The following EVC2 variants were observed in gnomAD, a reference collection of about 807,000 sequenced individuals.
EVC2 encodes limbin.
In EVC2, 148 loss-of-function variants were observed where a neutral mutation model predicts 149.3. That is an observed-to-expected ratio of 0.99 (90% confidence interval 0.87 to 1.14). The LOEUF is 1.14. Among genes scored for constraint, EVC2 ranks in the 50% most tolerant of loss-of-function variants. EVC2 has a pLI of 0.00. For synonymous variants in EVC2, 776 were observed against 649.9 expected (o/e 1.19, Z -2.95); for missense variants, 1,854 against 1,627.3 (o/e 1.14, Z -2.40).
At chr4:5,706,369 C>CATAGATAGATAGATAGATAGATACATAG (rs1324726079) in intron 1 of EVC2, among the ~76,000 whole-genome samples, 1 of 7,536 alleles carries the variant, frequency 1.3e-4, no homozygotes, top group Non-Finnish European at 2.5e-4. Context: ...TAGATAGATA[C>CATAGATAGATAGATAGATAGATACATAG]ATAGATAGAT....
Position 5,562,831 on chromosome 4 carries a change from C to A in EVC2, c.*17G>T, listed in dbSNP as rs772703728. 1.2e-6 allele frequency: 2 copies of A among 1,613,374 alleles called. No individual in the cohort carries two copies. Among genetic ancestry groups the A allele is most frequent in the East Asian group, 4.5e-5 (2 of 44,878 alleles). ...TCCCTTCTCTCTTCAGATGCTCCCGCAGGTCTTTCCCTTGGGCTAGTCCAT... is the reference window on the plus strand; with the variant it reads ...TCCCTTCTCTCTTCAGATGCTCCCGAAGGTCTTTCCCTTGGGCTAGTCCAT... On this transcript the variant is annotated 3_prime_UTR_variant, in exon 22 of 22. Coordinates refer to ENST00000344408, the MANE Select transcript of EVC2 (RefSeq NM_147127.5). This position sits in a 1 kb window ranked among gnomAD's most constrained non-coding sequence, Gnocchi z 4.3.
At chr4:5,663,479 A>T (rs1343198791) in intron 8 of EVC2, among the ~76,000 whole-genome samples, 1 of 152,228 alleles carries the variant, frequency 6.6e-6, no homozygotes, top group African/African-American at 2.4e-5. Context: ...TGTGTGGGTA[A>T]AGTGGAACAA....
intron 16 of EVC2, among the ~76,000 whole-genome samples, chr4:5,601,161 C>T (rs1266231919): frequency 6.6e-6 from 1 of 152,150 alleles, no homozygotes; most frequent in Non-Finnish European, 1.5e-5. Context: ...CCACAGTCTA[C>T]GGGCCCTGGC....
chr4:5,654,587 G>C (rs921281546), intron 9 of EVC2, among the ~76,000 whole-genome samples: 2 of 152,182 alleles, frequency 1.3e-5, no homozygotes. Context: ...AGCAGCCCAG[G>C]GGCATCACTG....
intron 9 of EVC2, among the ~76,000 whole-genome samples, chr4:5,641,262 A>G (rs1030715562): frequency 6.6e-6 from 1 of 152,242 alleles, no homozygotes; most frequent in African/African-American, 2.4e-5. Context: ...AGCAAAAAAA[A>G]GGACATTAGA....
At chr4:5,584,594 C>T (rs751533331) in intron 17 of EVC2, 29 bp downstream of exon 17, 1 of 1,603,516 alleles carries the variant, frequency 6.2e-7, no homozygotes, top group African/African-American at 1.3e-5. Context: ...CAGCTCTGTC[C>T]CCCTCTCCTT....
chr4:5,590,496 C>G (rs936335397), intron 16 of EVC2, among the ~76,000 whole-genome samples: 1 of 152,040 alleles, frequency 6.6e-6, no homozygotes, highest in Non-Finnish European at 1.5e-5. Flanking sequence ...CTTCCCTGAG[C>G]GCTAAACAGA....
At chr4:5,629,869 G>T (rs73198171) in intron 11 of EVC2, among the ~76,000 whole-genome samples, 1 of 152,186 alleles carries the variant, frequency 6.6e-6, no homozygotes, top group Admixed American at 6.5e-5. Context: ...TTCAGAATTG[G>T]TATCCTTAAA....
chr4:5,547,094 G>A (rs911672217), intron 21 of EVC2, among the ~76,000 whole-genome samples: 18 of 152,366 alleles, frequency 1.2e-4, no homozygotes, highest in African/African-American at 3.8e-4. Flanking sequence ...GCCCTTGCAG[G>A]CTCAGAAATG....
At chr4:5,589,526 G>A (rs752717699) in intron 16 of EVC2, among the ~76,000 whole-genome samples, 1 of 152,112 alleles carries the variant, frequency 6.6e-6, no homozygotes, top group South Asian at 2.1e-4. Context: ...ATCTGACTTG[G>A]CTTCCCCAAA....
chr4:5,603,877 C>T (rs527543920), intron 16 of EVC2, among the ~76,000 whole-genome samples: 29 of 152,298 alleles, frequency 1.9e-4, no homozygotes, highest in African/African-American at 6.3e-4. Flanking sequence ...TTTGTGTATA[C>T]GCTGTTCAAA....
At chr4:5,588,691 T>G (rs1488695339) in intron 16 of EVC2, among the ~76,000 whole-genome samples, 1 of 152,198 alleles carries the variant, frequency 6.6e-6, no homozygotes, top group East Asian at 1.9e-4. Flanking sequence ...TATATTCAAA[T>G]CAAACTTCTA....
rs759270450 is a variant in EVC2, at chr4:5,576,475, G to A, written c.3058-21C>T. 2 of 1,566,580 alleles carry A rather than the reference G, an allele frequency of 1.3e-6. No individual in the cohort carries two copies. The highest frequency in any genetic ancestry group is 1.7e-6 in the Non-Finnish European group (2 of 1,158,402). On this transcript the variant is annotated intron_variant, in intron 17 of 21. Coordinates refer to ENST00000344408, the MANE Select transcript of EVC2 (RefSeq NM_147127.5). The surrounding 1 kb of genome is among the most constrained non-coding windows in gnomAD (Gnocchi z 4.5). Reference sequence around the variant, plus strand: ...AGCTCCTACACAAGGAAGGGGCAGAGGGTAAGCACCACTGCACAAGGCGGG... The same window carrying A: ...AGCTCCTACACAAGGAAGGGGCAGAAGGTAAGCACCACTGCACAAGGCGGG...
intron 1 of EVC2, among the ~76,000 whole-genome samples, chr4:5,706,441 G>GATAC (rs201821393): frequency 0.025 from 1,100 of 44,522 alleles, 136 homozygotes; most frequent in African/African-American, 0.047. Flanking sequence ...TAGATAGATA[G>GATAC]ATAGATACAT....
chr4:5,667,172 A>G (rs2108902359), intron 7 of EVC2, among the ~76,000 whole-genome samples: 1 of 152,236 alleles, frequency 6.6e-6, no homozygotes, highest in South Asian at 2.1e-4. Context: ...CACACAGTAT[A>G]ATCTCCATTT....
chr4:5,550,120 A>C (rs1316445739), intron 21 of EVC2, among the ~76,000 whole-genome samples: 7 of 152,186 alleles, frequency 4.6e-5, no homozygotes, highest in Admixed American at 3.9e-4. Context: ...GTGAAAATGA[A>C]CTAATACAGT....
At chr4:5,704,947 C>G (rs763878431) in intron 1 of EVC2, among the ~76,000 whole-genome samples, 47 of 152,022 alleles carry the variant, frequency 3.1e-4, no homozygotes, top group African/African-American at 1.1e-3. Flanking sequence ...TGACCTCAAG[C>G]GATCCTCCTG....
At chr4:5,632,105 G>C (rs536334875) in intron 10 of EVC2, 73 bp from the exon 11 acceptor site, 1 of 1,586,382 alleles carries the variant, frequency 6.3e-7, no homozygotes. Flanking sequence ...GCAATGCAAT[G>C]TGTACAGGCA....
chr4:5,703,052 T>C (rs1362417428), intron 1 of EVC2, among the ~76,000 whole-genome samples: 1 of 152,252 alleles, frequency 6.6e-6, no homozygotes, highest in Non-Finnish European at 1.5e-5. Context: ...AGTCCTTACT[T>C]AACATCATCA....
Sources: allele counts gnomAD v4.1 joint callset (sites outside exome capture counted in the v4.1 genomes callset), GRCh38; gene constraint gnomAD v4.1.1; non-coding constraint Gnocchi (gnomAD v3.1); transcripts MANE v1.5; gene names NCBI Gene and HGNC (gene_info 2026-07-23, HGNC 2026-07-21).